Variants in RYR3 observed in about 807,000 individuals in gnomAD.
RYR3 encodes brain ryanodine receptor-calcium release channel.
RYR3 carries 207 observed loss-of-function variants against 584.3 expected under a neutral mutation model. The observed-to-expected ratio is 0.35, with a 90% CI of 0.32 to 0.40. The LOEUF (loss-of-function observed/expected upper bound fraction) is 0.40, where lower values mean the gene tolerates loss of function less well. RYR3 is among the 10% of genes least tolerant of loss of function. RYR3 has a pLI of 1.00. For synonymous variants in RYR3, 2,416 were observed against 2,248.5 expected, an observed-to-expected ratio of 1.07 and a Z score of -2.11; for missense variants, 5,616 against 6,089.2, an observed-to-expected ratio of 0.92 and a Z score of 2.59.
chr15:33,583,079 C>G (rs544625017), intron 14 of RYR3, among the ~76,000 whole-genome samples: 1 of 152,248 alleles, frequency 6.6e-6, no homozygotes, highest in South Asian at 2.1e-4. Flanking sequence ...CAAGTAGGAA[C>G]AGACATCAGG....
In RYR3 at chr15:33,599,661, A is replaced by G. The variant is rs1234221160; in HGVS notation, c.1789-1758A>G. ...TAGAACGGGAGGCAGGTTTGTCCTAAGCAGTTTCCAGCTTGAGTTTTCCTT... is the reference window on the plus strand; with the variant it reads ...TAGAACGGGAGGCAGGTTTGTCCTAGGCAGTTTCCAGCTTGAGTTTTCCTT... On this transcript the variant is annotated intron_variant, in intron 16 of 103. Coordinates refer to ENST00000634891, the MANE Select transcript of RYR3 (RefSeq NM_001036.6). Among the ~76,000 whole-genome samples, 3 of 152,308 alleles carry G rather than the reference A, an allele frequency of 2.0e-5. No homozygotes were observed. In the East Asian group the frequency reaches 5.8e-4, roughly 29 times the overall value.
chr15:33,633,214 C>T lies in RYR3; in HGVS notation c.3027+106C>T, dbSNP rs1470265765. Reference sequence around the variant, plus strand: ...GATCAGAAGGAAGAGTTTGCCTTTGCACTCTATCCCTCACACCTCAGTGTG... The same window carrying T: ...GATCAGAAGGAAGAGTTTGCCTTTGTACTCTATCCCTCACACCTCAGTGTG... On this transcript the variant is annotated intron_variant, in intron 24 of 103. Transcript: ENST00000634891. The T allele has an allele frequency of 2.8e-5, 31 of 1,116,820 alleles. No homozygotes were observed. In the South Asian group the frequency reaches 2.9e-4, roughly 10 times the overall value. 69.2% of individuals were successfully genotyped at this position (1,116,820 alleles called of 1,614,324 possible).
chr15:33,641,645 A>T (rs1035600339), intron 27 of RYR3, among the ~76,000 whole-genome samples: 25 of 151,890 alleles, frequency 1.6e-4, no homozygotes, highest in Admixed American at 3.9e-4. Flanking sequence ...GTCCTTTCAG[A>T]TTTTCTCTTT....
At chr15:33,773,077 A>G (rs982193278) in intron 63 of RYR3, among the ~76,000 whole-genome samples, 3 of 152,216 alleles carry the variant, frequency 2.0e-5, no homozygotes, top group Non-Finnish European at 2.9e-5. Context: ...ATTTTGCTCT[A>G]TCTCTAAGGG....
intron 12 of RYR3, among the ~76,000 whole-genome samples, chr15:33,579,606 C>T (rs1269581518): frequency 6.6e-6 from 1 of 152,104 alleles, no homozygotes; most frequent in Admixed American, 6.6e-5. Flanking sequence ...CTGTCAAAAT[C>T]ACAGTTGAAA....
intron 20 of RYR3, among the ~76,000 whole-genome samples, chr15:33,624,688 C>T (rs1212108101): frequency 6.6e-6 from 1 of 152,146 alleles, no homozygotes; most frequent in Non-Finnish European, 1.5e-5. Context: ...TATTTTCTTT[C>T]CCCTCCAGGG....
At chr15:33,504,823 A>G (rs2052328895) in intron 3 of RYR3, among the ~76,000 whole-genome samples, 1 of 152,142 alleles carries the variant, frequency 6.6e-6, no homozygotes, top group Admixed American at 6.6e-5. Context: ...GATCCTGCAT[A>G]TCACCTATTC....
At chr15:33,792,167 AG>A (rs2075200163) in intron 67 of RYR3, among the ~76,000 whole-genome samples, 2 of 152,302 alleles carry the variant, frequency 1.3e-5, no homozygotes, top group African/African-American at 4.8e-5. Context: ...GGATAAAGGA[AG>A]GGGAATGGCT....
intron 1 of RYR3, among the ~76,000 whole-genome samples, chr15:33,375,625 G>C (rs1373521778): frequency 2.0e-5 from 3 of 152,162 alleles, no homozygotes; most frequent in Admixed American, 1.3e-4. Context: ...ATGTAGGGGT[G>C]ATCAGAGCAA....
In RYR3 at chr15:33,390,342, T is replaced by C. The variant is rs1376778154; in HGVS notation, c.51+79246T>C. Among the ~76,000 whole-genome samples, 1 of 152,254 alleles carries C rather than the reference T, an allele frequency of 6.6e-6. No homozygotes were observed. The highest frequency in any genetic ancestry group is 1.5e-5 in the Non-Finnish European group (1 of 68,046). On this transcript the variant is annotated intron_variant, in intron 1 of 103. Coordinates refer to ENST00000634891, the MANE Select transcript of RYR3 (RefSeq NM_001036.6). The surrounding 1 kb of genome is among the most constrained non-coding windows in gnomAD (Gnocchi z 4.2). Reference sequence around the variant, plus strand: ...CTCAGTACCAGTATACCTGGGGGTCTCTAAATTTCACCTGACCTATTGAAC... The same window carrying C: ...CTCAGTACCAGTATACCTGGGGGTCCCTAAATTTCACCTGACCTATTGAAC...
Position 33,636,367 on chromosome 15 carries a change from G to C in RYR3, c.3382-9G>C, listed in dbSNP as rs1259648808. 6.2e-7 allele frequency: 1 copy of C among 1,613,498 alleles called. No homozygotes were observed. The highest frequency in any genetic ancestry group is 8.5e-7 in the Non-Finnish European group (1 of 1,179,578). On this transcript the variant is annotated splice_polypyrimidine_tract_variant and intron_variant, in intron 26 of 103. Coordinates refer to ENST00000634891, the MANE Select transcript of RYR3 (RefSeq NM_001036.6). ...CCATTTCTCTAAGCCCTAGAGTCTTGTTTTCTAGGGCCAGCGTTGGCATCA... is the reference window on the plus strand; with the variant it reads ...CCATTTCTCTAAGCCCTAGAGTCTTCTTTTCTAGGGCCAGCGTTGGCATCA...
intron 1 of RYR3, among the ~76,000 whole-genome samples, chr15:33,373,005 C>T (rs1163531034): frequency 6.6e-6 from 1 of 152,202 alleles, no homozygotes; most frequent in Non-Finnish European, 1.5e-5. Context: ...CTAGATTATG[C>T]ACCTTGGCAG....
At position 33,834,957 on chromosome 15, in the gene RYR3, C is replaced by T; in HGVS notation, c.11464-11C>T. The T allele has an allele frequency of 1.2e-6, 2 of 1,612,040 alleles. No individual in the cohort carries two copies. The stretch of plus-strand genomic sequence containing the variant: ...TGTTTAAGTGACATAAGAATGTCCT[C>T]TTCTCTGCAGGGCCCTTGCATTGGT... On this transcript the variant is annotated splice_polypyrimidine_tract_variant and intron_variant, in intron 86 of 103. Transcript: ENST00000634891.
chr15:33,503,782 A>C, intron 3 of RYR3, 44 bp downstream of exon 3: 2 of 1,134,906 alleles, frequency 1.8e-6, no homozygotes, highest in Non-Finnish European at 2.6e-6. Context: ...GGGGTGCACC[A>C]CATCCCCAAA....
chr15:33,661,510 G>C (rs2063160649), intron 34 of RYR3, among the ~76,000 whole-genome samples: 1 of 152,294 alleles, frequency 6.6e-6, no homozygotes, highest in Admixed American at 6.5e-5. Flanking sequence ...CCAGGGACTG[G>C]TTTCATGGAA....
At chr15:33,861,634 C>G (rs1888262779) in intron 102 of RYR3, among the ~76,000 whole-genome samples, 1 of 152,178 alleles carries the variant, frequency 6.6e-6, no homozygotes, top group Non-Finnish European at 1.5e-5. Context: ...CTGTGAACCT[C>G]CTACTGGCAG....
At chr15:33,649,881 A>G (rs1595974354) in intron 31 of RYR3, among the ~76,000 whole-genome samples, 1 of 152,128 alleles carries the variant, frequency 6.6e-6, no homozygotes, top group South Asian at 2.1e-4. Context: ...TCTGTTCCCC[A>G]CCTACGTGAG....
intron 1 of RYR3, among the ~76,000 whole-genome samples, chr15:33,369,121 A>T (rs1975942890): frequency 6.6e-6 from 1 of 151,860 alleles, no homozygotes; most frequent in Non-Finnish European, 1.5e-5. Context: ...CAATTCTGTA[A>T]TCCCCAGTTT....
chr15:33,642,593 A>T (rs968263334), intron 27 of RYR3, among the ~76,000 whole-genome samples: 1 of 152,196 alleles, frequency 6.6e-6, no homozygotes, highest in Non-Finnish European at 1.5e-5. Context: ...GTCTTTCCCA[A>T]TGCGGAGCCT....
Sources: gnomAD v4.1 joint callset for allele counts (sites outside exome capture counted in the v4.1 genomes callset) on GRCh38, gnomAD v4.1.1 for gene constraint, Gnocchi (gnomAD v3.1) non-coding constraint, MANE v1.5 for transcripts, NCBI Gene and HGNC (gene_info 2026-07-23, HGNC 2026-07-21) for gene names.